The following RELN variants were observed in gnomAD, a reference collection of about 807,000 sequenced individuals.
The protein encoded by RELN is reelin.
In RELN, 108 loss-of-function variants were observed where a neutral mutation model predicts 427.6. The observed-to-expected ratio is 0.25, with a 90% confidence interval of 0.22 to 0.30. RELN has a LOEUF of 0.30. RELN is among the 10% of genes least tolerant of loss of function. The probability of loss-of-function intolerance (pLI) is 1.00; values close to 1 mark genes in which losing one functional copy is unlikely to be tolerated. For synonymous variants in RELN, 1,524 were observed against 1,513.4 expected (o/e 1.01, Z -0.16); for missense variants, 3,715 against 4,302.8 (o/e 0.86, Z 3.82).
chr7:103,918,184 A>G (rs1159553142), intron 1 of RELN, among the ~76,000 whole-genome samples: 5 of 152,142 alleles, frequency 3.3e-5, no homozygotes, highest in Admixed American at 6.6e-5. Context: ...ACACATATCA[A>G]TAGAATAGCC....
At chr7:103,804,858 A>G (rs562591500) in intron 3 of RELN, among the ~76,000 whole-genome samples, 73 of 152,120 alleles carry the variant, frequency 4.8e-4, no homozygotes, top group Non-Finnish European at 7.9e-4. Flanking sequence ...CTTTTGCTAG[A>G]TATCACATCC....
chr7:103,838,208 CAAAAAAAA>C (rs58553259), intron 2 of RELN, among the ~76,000 whole-genome samples: 1 of 81,082 alleles, frequency 1.2e-5, no homozygotes. Flanking sequence ...GACTTCGTCT[CAAAAAAAA>C]AAAAAAAAAA....
At chr7:103,889,736 G>A (rs762220886) in intron 2 of RELN, among the ~76,000 whole-genome samples, 7 of 152,146 alleles carry the variant, frequency 4.6e-5, no homozygotes, top group African/African-American at 1.2e-4. Flanking sequence ...TGTCAAACAA[G>A]TAAGTTTTCT....
intron 30 of RELN, 148 bp from the exon 31 acceptor site, chr7:103,572,408 T>A (rs1169616670): frequency 1.9e-5 from 12 of 630,722 alleles, no homozygotes; most frequent in Non-Finnish European, 2.8e-5. Flanking sequence ...AGAAAATACA[T>A]AAATTATAGT....
intron 2 of RELN, among the ~76,000 whole-genome samples, chr7:103,877,979 C>T (rs564918276): frequency 6.6e-6 from 1 of 152,076 alleles, no homozygotes; most frequent in African/African-American, 2.4e-5. Flanking sequence ...CCTCAGCCTC[C>T]CAAATGGCTG....
rs541866978 is a variant in RELN at position 103,961,104 on chromosome 7, T to A, written c.226+28027A>T. Among the ~76,000 whole-genome samples the A allele has an allele frequency of 2.7e-3, 416 of 152,322 alleles. 2 individuals carry two copies. Among genetic ancestry groups the A allele is most frequent in the African/African-American group, 9.5e-3 (395 of 41,558 alleles). On this transcript the variant is annotated intron_variant, in intron 1 of 64. Transcript: ENST00000428762. ...TATAAAACGTTGCTTGTGCAAGAAA[T>A]AGAACAGTAGACATGCCTGTTATAG...
chr7:103,670,602 A>G (rs1196475106), intron 11 of RELN, among the ~76,000 whole-genome samples: 1 of 152,070 alleles, frequency 6.6e-6, no homozygotes, highest in Non-Finnish European at 1.5e-5. Context: ...TTTAACAGTG[A>G]AGAATGGGAA....
chr7:103,517,584 C>A (rs1829597823), intron 49 of RELN, among the ~76,000 whole-genome samples: 1 of 152,152 alleles, frequency 6.6e-6, no homozygotes, highest in East Asian at 1.9e-4. Flanking sequence ...CAGGAACTCA[C>A]ACTTGAGGTC....
chr7:103,637,678 C>T lies in RELN; in HGVS notation c.2070-1210G>A, dbSNP rs150901029. 7.4e-3 allele frequency among the ~76,000 whole-genome samples: 1,123 copies of T among 152,266 alleles called. 8 individuals carry two copies. The highest frequency in any genetic ancestry group is 0.011 in the Non-Finnish European group (744 of 68,010). On this transcript the variant is annotated intron_variant, in intron 17 of 64. Transcript: ENST00000428762. ...GGGATGAAAGGAAAGCCAATATTTACTGGATGAGCCTTCTTTCACATGTTG... is the reference window on the plus strand; with the variant it reads ...GGGATGAAAGGAAAGCCAATATTTATTGGATGAGCCTTCTTTCACATGTTG...
At chr7:103,477,126 T>C (rs1199390451) in intron 64 of RELN, among the ~76,000 whole-genome samples, 2 of 152,212 alleles carry the variant, frequency 1.3e-5, no homozygotes, top group African/African-American at 4.8e-5. Context: ...ATGTCCATTA[T>C]TGCCAAGGGA....
In RELN at chr7:103,573,554, T is replaced by C. The variant is rs1830931063; in HGVS notation, c.4511+538A>G. On this transcript the variant is annotated intron_variant, in intron 30 of 64. Transcript: ENST00000428762. The surrounding 1 kb of genome is among the most constrained non-coding windows in gnomAD (Gnocchi z 4.4). Reference sequence around the variant, plus strand: ...TTCTCTATTTCCTTTCTTCCACTTCTCAAATAATTTAATTGCTCTTTTAAA... The same window carrying C: ...TTCTCTATTTCCTTTCTTCCACTTCCCAAATAATTTAATTGCTCTTTTAAA... Among the ~76,000 whole-genome samples, 1 of 152,240 alleles carries C rather than the reference T, an allele frequency of 6.6e-6. No individual in the cohort carries two copies. Among genetic ancestry groups the C allele is most frequent in the African/African-American group, 2.4e-5 (1 of 41,470 alleles).
chr7:103,502,425 G>T (rs1829063532), intron 52 of RELN, among the ~76,000 whole-genome samples: 1 of 152,206 alleles, frequency 6.6e-6, no homozygotes, highest in Non-Finnish European at 1.5e-5. Context: ...TTTTAAAGTA[G>T]AAGAGAAATC....
intron 6 of RELN, among the ~76,000 whole-genome samples, chr7:103,737,697 G>T (rs1009540102): frequency 6.6e-6 from 1 of 152,030 alleles, no homozygotes; most frequent in Non-Finnish European, 1.5e-5. Flanking sequence ...CATATTAATT[G>T]CTCCAACAAA....
chr7:103,565,128 C>A, intron 34 of RELN, 150 bp downstream of exon 34: 1 of 1,007,430 alleles, frequency 9.9e-7, no homozygotes, highest in East Asian at 2.5e-5. Context: ...ACTTGCAACC[C>A]AAAGCACCTT....
intron 6 of RELN, among the ~76,000 whole-genome samples, chr7:103,729,243 A>G (rs1442202798): frequency 1.3e-5 from 2 of 152,152 alleles, no homozygotes; most frequent in African/African-American, 2.4e-5. Flanking sequence ...CAGAAAGGGC[A>G]CTATGCCCTT....
chr7:103,733,779 G>A (rs551362821), intron 6 of RELN, among the ~76,000 whole-genome samples: 1,922 of 150,256 alleles, frequency 0.013, 51 homozygotes, highest in African/African-American at 0.045. Context: ...ATCACACTCT[G>A]GGGACTGTTG....
At chr7:103,865,180 T>C (rs536379087) in intron 2 of RELN, among the ~76,000 whole-genome samples, 1 of 117,626 alleles carries the variant, frequency 8.5e-6, no homozygotes, top group African/African-American at 3.2e-5. Flanking sequence ...CTTAGAAACA[T>C]ACAAGCTACC....
At chr7:103,674,600 T>A (rs1284375644) in intron 11 of RELN, among the ~76,000 whole-genome samples, 1 of 152,142 alleles carries the variant, frequency 6.6e-6, no homozygotes, top group Non-Finnish European at 1.5e-5. Flanking sequence ...CATTGCTCGT[T>A]CCTGGGGGGC....
At chr7:103,711,150 T>C (rs1789788692) in intron 8 of RELN, among the ~76,000 whole-genome samples, 2 of 152,252 alleles carry the variant, frequency 1.3e-5, no homozygotes. Flanking sequence ...AAAAATGTTG[T>C]ATTTCTTGAT....
Sources: gnomAD v4.1 joint callset for allele counts (sites outside exome capture counted in the v4.1 genomes callset) on GRCh38, gnomAD v4.1.1 for gene constraint, Gnocchi (gnomAD v3.1) non-coding constraint, MANE v1.5 for transcripts, NCBI Gene and HGNC (gene_info 2026-07-23, HGNC 2026-07-21) for gene names.